FOXN3: variants seen among roughly 807,000 people sequenced by gnomAD.
The protein encoded by FOXN3 is forkhead box N3.
A neutral mutation model predicts 38.4 loss-of-function variants in FOXN3; 7 were observed. The observed-to-expected ratio is 0.18, with a 90% CI of 0.10 to 0.34. FOXN3 has a LOEUF of 0.34. Among genes scored for constraint, FOXN3 ranks in the 10% least tolerant of loss-of-function variants. FOXN3 has a pLI of 1.00. For synonymous variants in FOXN3, 230 were observed against 242.2 expected (o/e 0.95, Z 0.47); for missense variants, 456 against 613.4 (o/e 0.74, Z 2.71).
At chr14:89,606,864 T>A (rs1896286946) in intron 1 of FOXN3, among the ~76,000 whole-genome samples, 1 of 151,156 alleles carries the variant, frequency 6.6e-6, no homozygotes, top group African/African-American at 2.4e-5. Flanking sequence ...AAAAATAAAA[T>A]AAAAAAATAA....
intron 2 of FOXN3, among the ~76,000 whole-genome samples, chr14:89,352,213 G>A (rs558745710): frequency 7.9e-5 from 12 of 152,280 alleles, no homozygotes; most frequent in Non-Finnish European, 1.0e-4. Context: ...TTAACCAACC[G>A]GATGTTTAAA....
intron 1 of FOXN3, among the ~76,000 whole-genome samples, chr14:89,500,103 T>G (rs1191442976): frequency 6.6e-6 from 1 of 152,140 alleles, no homozygotes; most frequent in Non-Finnish European, 1.5e-5. Flanking sequence ...TCCACCTGCC[T>G]CGGCCTCCCA....
chr14:89,197,742 G>A (rs918983768), intron 4 of FOXN3, among the ~76,000 whole-genome samples: 1 of 152,132 alleles, frequency 6.6e-6, no homozygotes, highest in African/African-American at 2.4e-5. Context: ...AAATTCCACG[G>A]GAACCCCAGA....
At chr14:89,402,253 TA>T (rs1348426106) in intron 2 of FOXN3, among the ~76,000 whole-genome samples, 2 of 152,224 alleles carry the variant, frequency 1.3e-5, no homozygotes, top group Non-Finnish European at 2.9e-5. Context: ...TTGGAATGTT[TA>T]AAAAATGGGT....
intron 1 of FOXN3, among the ~76,000 whole-genome samples, chr14:89,511,683 T>C (rs956081994): frequency 6.6e-6 from 1 of 152,114 alleles, no homozygotes; most frequent in Admixed American, 6.6e-5. Flanking sequence ...ATGAAGAGTA[T>C]TGTATTAGTC....
intron 2 of FOXN3, among the ~76,000 whole-genome samples, chr14:89,399,178 C>A (rs1439304401): frequency 4.6e-5 from 7 of 152,188 alleles, no homozygotes; most frequent in African/African-American, 1.4e-4. Context: ...AGGAAAAGGA[C>A]AAGTCCTAGT....
chr14:89,357,767 G>C (rs1889295928), intron 2 of FOXN3, among the ~76,000 whole-genome samples: 1 of 152,166 alleles, frequency 6.6e-6, no homozygotes, highest in South Asian at 2.1e-4. Flanking sequence ...TATACTAACT[G>C]GGTTTGTGTA....
intron 3 of FOXN3, among the ~76,000 whole-genome samples, chr14:89,295,762 A>ATTTTTTTTTTTTTTTT (rs1032063820): frequency 2.2e-4 from 27 of 123,214 alleles, no homozygotes; most frequent in Non-Finnish European, 4.5e-4. Context: ...TAATTTTTGC[A>ATTTTTTTTTTTTTTTT]TTTTTTTTTT....
At chr14:89,299,605 C>T (rs1052715969) in intron 3 of FOXN3, among the ~76,000 whole-genome samples, 3 of 152,202 alleles carry the variant, frequency 2.0e-5, no homozygotes, top group Non-Finnish European at 4.4e-5. Context: ...AGCAGCTTGC[C>T]TCAGAGATGG....
At chr14:89,432,284 C>A (rs113370949) in intron 1 of FOXN3, among the ~76,000 whole-genome samples, 2 of 152,160 alleles carry the variant, frequency 1.3e-5, no homozygotes, top group South Asian at 2.1e-4. Context: ...TGTCCAGTGA[C>A]GGCCCTAACA....
At chr14:89,589,466 T>C (rs1895909010) in intron 1 of FOXN3, among the ~76,000 whole-genome samples, 3 of 152,174 alleles carry the variant, frequency 2.0e-5, no homozygotes, top group Admixed American at 2.0e-4. Context: ...GTCGTGGTAG[T>C]CCTCACAATT....
At chr14:89,551,053 C>G (rs749588471) in intron 1 of FOXN3, among the ~76,000 whole-genome samples, 15 of 152,222 alleles carry the variant, frequency 9.9e-5, no homozygotes, top group Non-Finnish European at 1.9e-4. Context: ...CCTTAAACAT[C>G]TTATCAGCCT....
intron 1 of FOXN3, among the ~76,000 whole-genome samples, chr14:89,511,236 CCT>C (rs559762611): frequency 0.017 from 172 of 10,392 alleles, 21 homozygotes; most frequent in African/African-American, 0.026. Context: ...TCTTTTCTTT[CCT>C]TTTCTTTCTT....
chr14:89,572,441 A>G (rs1007134081), intron 1 of FOXN3, among the ~76,000 whole-genome samples: 1 of 152,224 alleles, frequency 6.6e-6, no homozygotes, highest in Admixed American at 6.5e-5. Flanking sequence ...GCTCATAGGA[A>G]TAAATTCTGA....
At chr14:89,426,598 G>A (rs368556834) in intron 1 of FOXN3, among the ~76,000 whole-genome samples, 2 of 152,160 alleles carry the variant, frequency 1.3e-5, no homozygotes, top group Admixed American at 1.3e-4. Flanking sequence ...TACCAATGAT[G>A]AGGACTGACT....
At chr14:89,207,708 A>G (rs1049225280) in intron 4 of FOXN3, among the ~76,000 whole-genome samples, 2 of 152,182 alleles carry the variant, frequency 1.3e-5, no homozygotes, top group African/African-American at 4.8e-5. Context: ...ATGGGGAAAA[A>G]ATGGTAGCAA....
chr14:89,346,216 T>C (rs1018242799), intron 3 of FOXN3, among the ~76,000 whole-genome samples: 2 of 152,234 alleles, frequency 1.3e-5, no homozygotes, highest in African/African-American at 4.8e-5. Flanking sequence ...TCCATATCTT[T>C]GCAGCAGCAA....
intron 1 of FOXN3, among the ~76,000 whole-genome samples, chr14:89,501,406 G>A (rs535357660): frequency 1.3e-5 from 2 of 152,286 alleles, no homozygotes; most frequent in East Asian, 1.9e-4. Context: ...GCACTGTGAA[G>A]GCAGAAACCG....
chr14:89,565,272 C>G (rs1010236162), intron 1 of FOXN3, among the ~76,000 whole-genome samples: 2 of 152,080 alleles, frequency 1.3e-5, no homozygotes, highest in African/African-American at 2.4e-5. Context: ...CCTCCTGGAG[C>G]CTTCAGGCTG....
Sources: allele counts gnomAD v4.1 joint callset (sites outside exome capture counted in the v4.1 genomes callset), GRCh38; gene constraint gnomAD v4.1.1; transcripts MANE v1.5; gene names NCBI Gene and HGNC (gene_info 2026-07-23, HGNC 2026-07-21).